Variants in ADORA1 observed in about 807,000 individuals in gnomAD.
ADORA1 encodes the protein adenosine receptor A1.
In ADORA1, 6 loss-of-function variants were observed where a neutral mutation model predicts 19.9. That is an observed-to-expected ratio of 0.30 (90% CI 0.17 to 0.59). The LOEUF is 0.59. Among genes scored for constraint, ADORA1 ranks in the 20% least tolerant of loss-of-function variants. The pLI is 0.87. For synonymous variants in ADORA1, 194 were observed against 188.4 expected (o/e 1.03, Z -0.24); for missense variants, 302 against 439.2 (o/e 0.69, Z 2.79).
intron 3 of ADORA1, among the ~76,000 whole-genome samples, chr1:203,136,948 A>T (rs1309242731): frequency 1.3e-5 from 2 of 152,198 alleles, no homozygotes; most frequent in African/African-American, 4.8e-5. Context: ...TAAAACAGAG[A>T]TCCTCATGGA....
At chr1:203,130,561 G>A (rs1283447727) in intron 3 of ADORA1, among the ~76,000 whole-genome samples, 2 of 152,224 alleles carry the variant, frequency 1.3e-5, no homozygotes, top group East Asian at 3.8e-4. Context: ...CCACTGAGGG[G>A]CCCACATGCT....
Position 203,165,127 on chromosome 1 carries a change from C to G in ADORA1, c.342-134C>G. ...ACTCAGCCCTCGAGCAAAAGACATGCACCTCCCCACTCACCGGGCCCTGGA... is the reference window on the plus strand; with the variant it reads ...ACTCAGCCCTCGAGCAAAAGACATGGACCTCCCCACTCACCGGGCCCTGGA... On this transcript the variant is annotated intron_variant, in intron 3 of 3. Coordinates refer to ENST00000337894, the MANE Select transcript of ADORA1 (RefSeq NM_000674.3). The surrounding 1 kb of genome is among the most constrained non-coding windows in gnomAD (Gnocchi z 5.9). 1.3e-6 allele frequency: 2 copies of G among 1,556,704 alleles called. No homozygotes were observed. Among genetic ancestry groups the G allele is most frequent in the Non-Finnish European group, 1.7e-6 (2 of 1,150,282 alleles).
intron 3 of ADORA1, among the ~76,000 whole-genome samples, chr1:203,163,541 T>C (rs886624198): frequency 3.3e-5 from 5 of 152,180 alleles, no homozygotes; most frequent in African/African-American, 1.2e-4. Flanking sequence ...ACAAGAATCC[T>C]ATGATCACAG....
chr1:203,139,405 A>G (rs1654609582), intron 3 of ADORA1, among the ~76,000 whole-genome samples: 1 of 152,142 alleles, frequency 6.6e-6, no homozygotes, highest in Non-Finnish European at 1.5e-5. Flanking sequence ...ACCAGCTGAG[A>G]GTGAGGATGC....
At position 203,135,887 on chromosome 1, in the gene ADORA1, G is replaced by A. The variant is rs149731468; in HGVS notation, c.341+6705G>A. Among the ~76,000 whole-genome samples the A allele has an allele frequency of 4.6e-3, 706 of 152,158 alleles. 11 individuals are homozygous for A. Among genetic ancestry groups the A allele is most frequent in the African/African-American group, 0.016 (667 of 41,506 alleles). ...TACCCACACTGCAAATCCCCCGGGGGCATTTGGCATTCTTTAGCCCACTTC... is the reference window on the plus strand; with the variant it reads ...TACCCACACTGCAAATCCCCCGGGGACATTTGGCATTCTTTAGCCCACTTC... On this transcript the variant is annotated intron_variant, in intron 3 of 3. Coordinates refer to ENST00000337894, the MANE Select transcript of ADORA1 (RefSeq NM_000674.3).
intron 3 of ADORA1, chr1:203,164,981 G>A: frequency 6.6e-7 from 1 of 1,504,274 alleles, no homozygotes; most frequent in Non-Finnish European, 9.0e-7. Context: ...TCATTTCCTT[G>A]AAATTCATAA....
At chr1:203,155,698 A>G (rs757228939) in intron 3 of ADORA1, among the ~76,000 whole-genome samples, 25 of 152,344 alleles carry the variant, frequency 1.6e-4, no homozygotes, top group South Asian at 2.1e-4. Context: ...CCAAGCCACT[A>G]TGGACATGTT....
intron 3 of ADORA1, among the ~76,000 whole-genome samples, chr1:203,146,293 G>A (rs367548458): frequency 1.3e-5 from 2 of 152,044 alleles, no homozygotes; most frequent in South Asian, 2.1e-4. Flanking sequence ...ACTTCCCTTC[G>A]CCACTGTCTT....
chr1:203,127,891 C>T lies in ADORA1; in HGVS notation c.-250C>T, dbSNP rs1311300921. 1 of 156,138 alleles carries T rather than the reference C, an allele frequency of 6.4e-6. No homozygotes were observed. The highest frequency in any genetic ancestry group is 2.4e-5 in the African/African-American group (1 of 41,504). The allele number at this position is 156,138 out of a possible 1,614,324, so 9.7% of individuals were successfully genotyped here. A position where few individuals can be genotyped will look rare whatever the true frequency, so the allele number is the denominator to read the frequency against. ...TGTGGGGGCACTTGGACAGAACAGT[C>T]AGGCAGCCGGGAGCTCTGCCAGCTT... On this transcript the variant is annotated 5_prime_UTR_variant, in exon 1 of 4. Coordinates refer to ENST00000337894, the MANE Select transcript of ADORA1 (RefSeq NM_000674.3).
chr1:203,163,092 T>C (rs981434936), intron 3 of ADORA1, among the ~76,000 whole-genome samples: 1 of 152,196 alleles, frequency 6.6e-6, no homozygotes, highest in Non-Finnish European at 1.5e-5. Context: ...GGGGAACACA[T>C]TGAGATGGTC....
rs1292418119 is a variant in ADORA1, at chr1:203,165,525, G to A, written c.606G>A (p.Glu202=). Residue 202 remains glutamate (E), a synonymous_variant, in exon 4 of 4, where the codon GAG becomes GAA. Coordinates refer to ENST00000337894, the MANE Select transcript of ADORA1 (RefSeq NM_000674.3). The surrounding 1 kb of genome is among the most constrained non-coding windows in gnomAD (Gnocchi z 5.9). ...TCCTCATGGTCCTCATCTACCTGGA[G>A]GTCTTCTACCTAATCCGCAAGCAGC... ...PLLLMVLIYL[E]VFYLIRKQLN... The A allele has an allele frequency of 1.2e-5, 19 of 1,613,668 alleles. No homozygotes were observed. The highest frequency in any genetic ancestry group is 1.6e-5 in the Non-Finnish European group (19 of 1,179,768).
intron 3 of ADORA1, among the ~76,000 whole-genome samples, chr1:203,158,444 C>T (rs1016689021): frequency 7.2e-5 from 11 of 152,202 alleles, no homozygotes; most frequent in African/African-American, 2.2e-4. Flanking sequence ...ATTGTGATCA[C>T]GACCATTCAA....
intron 3 of ADORA1, among the ~76,000 whole-genome samples, chr1:203,146,648 A>C (rs1654867380): frequency 6.6e-6 from 1 of 151,430 alleles, no homozygotes; most frequent in Non-Finnish European, 1.5e-5. Flanking sequence ...AAAAAGAGAA[A>C]GAGAGAGAAT....
rs199790596 is a variant in ADORA1, at chr1:203,166,538, G to C, written c.*638G>C. ...CTCTCCTTGCCCTGGGCCAGCCCAG[G>C]ATTGTACGTGGGAGAGGCAGAAAGG... On this transcript the variant is annotated 3_prime_UTR_variant, in exon 4 of 4. Coordinates refer to ENST00000337894, the MANE Select transcript of ADORA1 (RefSeq NM_000674.3). 1 of 152,390 alleles carries C rather than the reference G, an allele frequency of 6.6e-6. No homozygotes were observed. The highest frequency in any genetic ancestry group is 1.5e-5 in the Non-Finnish European group (1 of 68,162). The allele number at this position is 152,390 out of a possible 1,614,324, so 9.4% of individuals were successfully genotyped here.
intron 3 of ADORA1, among the ~76,000 whole-genome samples, chr1:203,135,127 T>C (rs1654464145): frequency 6.6e-6 from 1 of 152,190 alleles, no homozygotes; most frequent in African/African-American, 2.4e-5. Context: ...TGTCGCTCTT[T>C]CTGGGCTTGG....
chr1:203,162,512 C>T (rs1324320987), intron 3 of ADORA1, among the ~76,000 whole-genome samples: 1 of 152,172 alleles, frequency 6.6e-6, no homozygotes, highest in East Asian at 1.9e-4. Context: ...AGGCTAGATC[C>T]CCCAATCCAT....
chr1:203,148,877 C>T (rs1654943495), intron 3 of ADORA1, among the ~76,000 whole-genome samples: 1 of 152,104 alleles, frequency 6.6e-6, no homozygotes, highest in Non-Finnish European at 1.5e-5. Context: ...ACTACTGTCT[C>T]TCTGCATTTT....
intron 3 of ADORA1, chr1:203,150,769 G>T (rs996153112): frequency 7.8e-7 from 1 of 1,289,670 alleles, no homozygotes; most frequent in African/African-American, 1.5e-5. Flanking sequence ...TCTTTGGAAA[G>T]ATTTCCAAGG....
In ADORA1 at chr1:203,166,078, C is replaced by A; in HGVS notation, c.*178C>A. On this transcript the variant is annotated 3_prime_UTR_variant, in exon 4 of 4. Coordinates refer to ENST00000337894, the MANE Select transcript of ADORA1 (RefSeq NM_000674.3). Reference sequence around the variant, plus strand: ...GTCCCTCCACTAGGAGTTAACTACCCTACACCTCTGGGCCCTGCAGGAGGC... The same window carrying A: ...GTCCCTCCACTAGGAGTTAACTACCATACACCTCTGGGCCCTGCAGGAGGC... 1 of 818,424 alleles carries A rather than the reference C, an allele frequency of 1.2e-6. No individual in the cohort carries two copies. The highest frequency in any genetic ancestry group is 1.8e-6 in the Non-Finnish European group (1 of 569,468). The allele number at this position is 818,424 out of a possible 1,614,324, so 50.7% of individuals were successfully genotyped here.
Sources: gnomAD v4.1 joint callset for allele counts (sites outside exome capture counted in the v4.1 genomes callset) on GRCh38, gnomAD v4.1.1 for gene constraint, Gnocchi (gnomAD v3.1) non-coding constraint, MANE v1.5 for transcripts, NCBI Gene and HGNC (gene_info 2026-07-23, HGNC 2026-07-21) for gene names.